Variants in SUPT3H observed in about 807,000 individuals in gnomAD.
The protein encoded by SUPT3H is SPT3 homolog, SAGA and STAGA complex component.
Under a neutral mutation model 44.3 loss-of-function variants are expected in SUPT3H, and 44 were observed. That is an observed-to-expected ratio of 0.99 (90% confidence interval 0.78 to 1.28). The LOEUF is 1.28. Among genes scored for constraint, SUPT3H ranks in the 50% most tolerant of loss-of-function variants. The probability of loss-of-function intolerance (pLI) is 0.00; values close to 1 mark genes in which losing one functional copy is unlikely to be tolerated. For synonymous variants in SUPT3H, 124 were observed against 125.6 expected (o/e 0.99, Z 0.09); for missense variants, 380 against 387.1 (o/e 0.98, Z 0.15).
chr6:45,141,338 C>A (rs1460779944), intron 2 of SUPT3H, among the ~76,000 whole-genome samples: 22 of 45,284 alleles, frequency 4.9e-4, no homozygotes, highest in South Asian at 1.6e-3. Flanking sequence ...GACTCCATCT[C>A]AAAAAAAAAA....
At chr6:44,904,088 A>C (rs2153449728) in intron 10 of SUPT3H, among the ~76,000 whole-genome samples, 1 of 152,346 alleles carries the variant, frequency 6.6e-6, no homozygotes, top group South Asian at 2.1e-4. Context: ...AGAATGGGCA[A>C]AAACCGGAAG....
At chr6:44,933,322 A>C (rs1770892916) in intron 9 of SUPT3H, among the ~76,000 whole-genome samples, 1 of 152,166 alleles carries the variant, frequency 6.6e-6, no homozygotes, top group Admixed American at 6.5e-5. Flanking sequence ...TTCTGTTTTA[A>C]TTTGCCGCAT....
intron 1 of SUPT3H, among the ~76,000 whole-genome samples, chr6:45,367,623 T>C (rs1208790200): frequency 6.6e-6 from 1 of 152,120 alleles, no homozygotes; most frequent in Non-Finnish European, 1.5e-5. Context: ...AGAGCTATCT[T>C]CGAGAACATG....
intron 2 of SUPT3H, among the ~76,000 whole-genome samples, chr6:45,221,321 G>A (rs1422908817): frequency 6.6e-6 from 1 of 152,100 alleles, no homozygotes; most frequent in East Asian, 1.9e-4. Flanking sequence ...GTATATATAT[G>A]TAACACACCT....
At chr6:45,175,638 C>T (rs1244062171) in intron 2 of SUPT3H, among the ~76,000 whole-genome samples, 6 of 152,056 alleles carry the variant, frequency 3.9e-5, no homozygotes, top group South Asian at 4.1e-4. Context: ...ATTAAATAAA[C>T]TAACAGATTT....
chr6:45,212,549 A>ATT (rs1233423489), intron 2 of SUPT3H, among the ~76,000 whole-genome samples: 1 of 121,764 alleles, frequency 8.2e-6, no homozygotes, highest in East Asian at 2.4e-4. Context: ...GTGTGTGTGT[A>ATT]TTGACTCTAC....
intron 1 of SUPT3H, among the ~76,000 whole-genome samples, chr6:45,371,104 T>G (rs1260711640): frequency 1.3e-5 from 2 of 152,192 alleles, no homozygotes; most frequent in Admixed American, 6.5e-5. Context: ...TGGAAGATTT[T>G]GGCAGCAATT....
intron 2 of SUPT3H, among the ~76,000 whole-genome samples, chr6:45,271,845 G>T (rs1474510751): frequency 6.6e-6 from 1 of 152,136 alleles, no homozygotes; most frequent in Non-Finnish European, 1.5e-5. Flanking sequence ...TGCAAACAGA[G>T]GGGCAAAGCT....
chr6:45,044,607 T>C (rs1033588216), intron 3 of SUPT3H, among the ~76,000 whole-genome samples: 2 of 152,166 alleles, frequency 1.3e-5, no homozygotes, highest in Admixed American at 1.3e-4. Flanking sequence ...AATTTAATTA[T>C]GGTAAAACAA....
At chr6:45,024,033 T>C (rs1479269844) in intron 3 of SUPT3H, among the ~76,000 whole-genome samples, 1 of 152,140 alleles carries the variant, frequency 6.6e-6, no homozygotes, top group African/African-American at 2.4e-5. Flanking sequence ...GAAACCAATA[T>C]CAAAAATGTT....
At chr6:45,149,629 A>G (rs1806598771) in intron 2 of SUPT3H, among the ~76,000 whole-genome samples, 1 of 152,206 alleles carries the variant, frequency 6.6e-6, no homozygotes, top group South Asian at 2.1e-4. Context: ...TTAGGTAGAC[A>G]CACTTGAACT....
chr6:45,001,560 C>T (rs1236347558), intron 6 of SUPT3H, among the ~76,000 whole-genome samples: 4 of 151,954 alleles, frequency 2.6e-5, no homozygotes, highest in African/African-American at 9.7e-5. Flanking sequence ...AGAACTCAGG[C>T]TGTTTTTTGT....
At chr6:45,318,696 T>G (rs1785058683) in intron 2 of SUPT3H, among the ~76,000 whole-genome samples, 1 of 152,166 alleles carries the variant, frequency 6.6e-6, no homozygotes, top group South Asian at 2.1e-4. Flanking sequence ...CCAGTTGTAT[T>G]GAATAATCCA....
In SUPT3H at chr6:45,048,819, G is replaced by A. The variant is rs181428926; in HGVS notation, c.187-28187C>T. Among the ~76,000 whole-genome samples the A allele has an allele frequency of 3.9e-5, 6 of 152,214 alleles. No individual in the cohort carries two copies. The East Asian group carries it at 1.2e-3, about 29-fold the overall frequency. ...AGACAAATGCCACATGATCTCATATGTGGAATCTAAAACGTTTGACCTCAC... is the reference window on the plus strand; with the variant it reads ...AGACAAATGCCACATGATCTCATATATGGAATCTAAAACGTTTGACCTCAC... On this transcript the variant is annotated intron_variant, in intron 3 of 10. Transcript: ENST00000371459.
At chr6:44,835,325 A>C (rs1483030954) in intron 10 of SUPT3H, among the ~76,000 whole-genome samples, 2 of 152,100 alleles carry the variant, frequency 1.3e-5, no homozygotes, top group African/African-American at 4.8e-5. Flanking sequence ...ACTACTGTTA[A>C]CTCCTAATTA....
chr6:45,143,422 T>C (rs933065021), intron 2 of SUPT3H, among the ~76,000 whole-genome samples: 1 of 152,076 alleles, frequency 6.6e-6, no homozygotes, highest in Admixed American at 6.6e-5. Context: ...AATACAAATA[T>C]ATAGAAATTA....
At chr6:45,002,493 G>A (rs757143329) in intron 6 of SUPT3H, among the ~76,000 whole-genome samples, 47 of 151,804 alleles carry the variant, frequency 3.1e-4, no homozygotes, top group Non-Finnish European at 5.6e-4. Flanking sequence ...AAAAAATAAA[G>A]CATAAACAAT....
intron 10 of SUPT3H, among the ~76,000 whole-genome samples, chr6:44,851,366 C>T (rs13219350): frequency 0.051 from 7,705 of 152,262 alleles, 289 homozygotes; most frequent in Non-Finnish European, 0.078. Flanking sequence ...TGGAGAGACA[C>T]TGATGTGACT....
intron 10 of SUPT3H, among the ~76,000 whole-genome samples, chr6:44,838,182 A>C (rs1770275004): frequency 6.6e-6 from 1 of 152,228 alleles, no homozygotes; most frequent in Non-Finnish European, 1.5e-5. Flanking sequence ...ATATTTTTAC[A>C]CTTGATTTTA....
Sources: allele counts gnomAD v4.1 joint callset (sites outside exome capture counted in the v4.1 genomes callset), GRCh38; gene constraint gnomAD v4.1.1; transcripts MANE v1.5; gene names NCBI Gene and HGNC (gene_info 2026-07-23, HGNC 2026-07-21).